PDE10A: variants seen among roughly 807,000 people sequenced by gnomAD.
PDE10A encodes the protein cAMP and cAMP-inhibited cGMP 3',5'-cyclic phosphodiesterase 10A.
A neutral mutation model predicts 97.7 loss-of-function variants in PDE10A; 39 were observed. The observed-to-expected ratio is 0.40, with a 90% confidence interval of 0.31 to 0.52. The LOEUF (loss-of-function observed/expected upper bound fraction) is 0.52. PDE10A is among the 20% of genes least tolerant of loss of function. PDE10A has a pLI of 0.56. For missense variants in PDE10A, 731 were observed against 1,047.8 expected (o/e 0.70, Z 4.17); for synonymous variants, 371 against 376.8 (o/e 0.98, Z 0.18).
Position 165,819,925 on chromosome 6 carries a change from T to C in PDE10A, c.-615+167604A>G, listed in dbSNP as rs572804135. Among the ~76,000 whole-genome samples the C allele has an allele frequency of 3.3e-5, 5 of 152,352 alleles. No homozygotes were observed. The Middle Eastern group carries it at 0.01, about 311-fold the overall frequency. ...AATCAGTGGTTAATATGGAATTCAG[T>C]AACACAAGGGCACTATTTTTCAAAA... On this transcript the variant is annotated intron_variant, in intron 1 of 19. Coordinates refer to the PDE10A transcript ENST00000366882. The surrounding 1 kb of genome is among the most constrained non-coding windows in gnomAD (Gnocchi z 4.2).
chr6:165,677,991 C>T (rs557068743), intron 1 of PDE10A, among the ~76,000 whole-genome samples: 2 of 149,036 alleles, frequency 1.3e-5, no homozygotes, highest in East Asian at 4.0e-4. Context: ...GTTTGTATAC[C>T]CATGTGTGTT....
chr6:165,595,524 A>C (rs1786534888), intron 1 of PDE10A, among the ~76,000 whole-genome samples: 1 of 152,248 alleles, frequency 6.6e-6, no homozygotes, highest in East Asian at 1.9e-4. Context: ...TCAGGGCCTC[A>C]AATGAAAATC....
chr6:165,720,197 G>A (rs2128448296), intron 1 of PDE10A, among the ~76,000 whole-genome samples: 1 of 152,320 alleles, frequency 6.6e-6, no homozygotes. Context: ...GAGAGGGGGA[G>A]AGAGGGTGTT....
intron 1 of PDE10A, among the ~76,000 whole-genome samples, chr6:165,929,222 A>T (rs2128490307): frequency 6.6e-6 from 1 of 152,310 alleles, no homozygotes; most frequent in South Asian, 2.1e-4. Flanking sequence ...CAAAAGAACT[A>T]AAACAAGATG....
At chr6:165,611,477 A>C (rs1787491913) in intron 1 of PDE10A, among the ~76,000 whole-genome samples, 1 of 152,230 alleles carries the variant, frequency 6.6e-6, no homozygotes, top group Non-Finnish European at 1.5e-5. Flanking sequence ...AGCATGTACC[A>C]GGGCCACACC....
In PDE10A at chr6:165,766,076, T is replaced by C. The variant is rs899978319; in HGVS notation, c.-615+221453A>G. Among the ~76,000 whole-genome samples the C allele has an allele frequency of 1.5e-4, 23 of 152,198 alleles. 1 individual carries two copies. The highest frequency in any genetic ancestry group is 1.4e-3 in the Admixed American group (22 of 15,288). ...GAACAGCACAGCGAAGGCCTCTTAG[T>C]TCCTAACTCTTCTCAGCTTGTTAGT... On this transcript the variant is annotated intron_variant, in intron 1 of 19. Coordinates refer to the PDE10A transcript ENST00000366882.
At chr6:165,425,797 GTGTATGTA>G (rs1554260342) in intron 10 of PDE10A, among the ~76,000 whole-genome samples, 81 of 151,582 alleles carry the variant, frequency 5.3e-4, no homozygotes, top group Middle Eastern at 3.4e-3. Context: ...GTGTGTGTGT[GTGTATGTA>G]TGTAATCCAC....
At chr6:165,500,147 C>T (rs986277363) in intron 2 of PDE10A, among the ~76,000 whole-genome samples, 3 of 152,068 alleles carry the variant, frequency 2.0e-5, no homozygotes, top group African/African-American at 7.2e-5. Context: ...TTTCAGTAAA[C>T]TTTTAAAAAC....
At chr6:165,380,836 T>C (rs183041053) in intron 17 of PDE10A, among the ~76,000 whole-genome samples, 1 of 152,368 alleles carries the variant, frequency 6.6e-6, no homozygotes, top group East Asian at 1.9e-4. Flanking sequence ...ATTCATGCTA[T>C]GGTATCTGCT....
At chr6:165,472,136 G>C (rs1779050312) in intron 3 of PDE10A, among the ~76,000 whole-genome samples, 1 of 151,880 alleles carries the variant, frequency 6.6e-6, no homozygotes, top group Non-Finnish European at 1.5e-5. Flanking sequence ...GGTCATTTTA[G>C]GTGGTCTTTT....
At chr6:165,393,722 AG>A (rs1201767104) in intron 15 of PDE10A, among the ~76,000 whole-genome samples, 1 of 152,192 alleles carries the variant, frequency 6.6e-6, no homozygotes, top group African/African-American at 2.4e-5. Flanking sequence ...GAAAATACAC[AG>A]GCTTCAAGAA....
chr6:165,370,035 A>C (rs140220529), intron 18 of PDE10A, among the ~76,000 whole-genome samples: 12,158 of 152,236 alleles, frequency 0.08, 548 homozygotes, highest in Middle Eastern at 0.2. Flanking sequence ...ATGCTGAGAG[A>C]TTCTGTTACC....
At chr6:165,659,079 G>A (rs1200455058) in intron 1 of PDE10A, among the ~76,000 whole-genome samples, 1 of 152,160 alleles carries the variant, frequency 6.6e-6, no homozygotes, top group African/African-American at 2.4e-5. Flanking sequence ...GTGCATGAGT[G>A]AGCGAACCAG....
intron 2 of PDE10A, among the ~76,000 whole-genome samples, chr6:165,489,158 A>C (rs1445257617): frequency 6.6e-6 from 1 of 152,116 alleles, no homozygotes; most frequent in African/African-American, 2.4e-5. Context: ...CCAGTGCACT[A>C]AACAAAAACA....
At chr6:165,901,628 C>G (rs1177534698) in intron 1 of PDE10A, among the ~76,000 whole-genome samples, 1 of 152,152 alleles carries the variant, frequency 6.6e-6, no homozygotes. Flanking sequence ...CACGGAGAAA[C>G]TCTGTCTCTA....
At chr6:165,572,226 A>G (rs1785082084) in intron 1 of PDE10A, among the ~76,000 whole-genome samples, 1 of 152,232 alleles carries the variant, frequency 6.6e-6, no homozygotes, top group Admixed American at 6.5e-5. Context: ...CATTTAATTT[A>G]AAACATAAAA....
intron 3 of PDE10A, among the ~76,000 whole-genome samples, chr6:165,476,275 A>C (rs1235295264): frequency 6.6e-6 from 1 of 152,218 alleles, no homozygotes; most frequent in Admixed American, 6.5e-5. Flanking sequence ...AATGAATATA[A>C]AGAAAGCATC....
At chr6:165,845,088 G>A (rs989084545) in intron 1 of PDE10A, among the ~76,000 whole-genome samples, 22 of 152,186 alleles carry the variant, frequency 1.4e-4, no homozygotes, top group Admixed American at 3.9e-4. Flanking sequence ...CTGATTTAAA[G>A]CGTTCTTATT....
intron 1 of PDE10A, among the ~76,000 whole-genome samples, chr6:165,576,055 T>A (rs1785287148): frequency 6.6e-6 from 1 of 150,830 alleles, no homozygotes; most frequent in Non-Finnish European, 1.5e-5. Context: ...AAGCAGGTCA[T>A]TTAGCCAATA....
Sources: gnomAD v4.1 joint callset for allele counts (sites outside exome capture counted in the v4.1 genomes callset) on GRCh38, gnomAD v4.1.1 for gene constraint, Gnocchi (gnomAD v3.1) non-coding constraint, MANE v1.5 for transcripts, NCBI Gene and HGNC (gene_info 2026-07-23, HGNC 2026-07-21) for gene names.